Variants in LHFPL3 observed in about 807,000 individuals in gnomAD.
The protein encoded by LHFPL3 is LHFPL tetraspan subfamily member 3 protein.
In LHFPL3, 5 loss-of-function variants were observed where a neutral mutation model predicts 19.3. The observed-to-expected ratio is 0.26, with a 90% CI of 0.14 to 0.54. The LOEUF is 0.54. Among genes scored for constraint, LHFPL3 ranks in the 20% least tolerant of loss-of-function variants. The pLI is 0.94. For missense variants in LHFPL3, 249 were observed against 307.4 expected, an observed-to-expected ratio of 0.81 and a Z score of 1.42; for synonymous variants, 133 against 126.2, an observed-to-expected ratio of 1.05 and a Z score of -0.36.
chr7:104,434,190 T>C (rs1185196347), intron 1 of LHFPL3, among the ~76,000 whole-genome samples: 1 of 152,212 alleles, frequency 6.6e-6, no homozygotes, highest in Non-Finnish European at 1.5e-5. Flanking sequence ...CTCCCCTTGA[T>C]TGGATCCACC....
chr7:104,504,372 C>T (rs1164898417), intron 1 of LHFPL3, among the ~76,000 whole-genome samples: 1 of 152,168 alleles, frequency 6.6e-6, no homozygotes, highest in Non-Finnish European at 1.5e-5. Flanking sequence ...GATACATTTT[C>T]ATCTTACATT....
chr7:104,571,607 A>G (rs1010110833), intron 1 of LHFPL3, among the ~76,000 whole-genome samples: 1 of 152,200 alleles, frequency 6.6e-6, no homozygotes, highest in Admixed American at 6.5e-5. Flanking sequence ...GGGTCGGGTT[A>G]TATGAAAATT....
intron 1 of LHFPL3, among the ~76,000 whole-genome samples, chr7:104,490,895 G>A (rs1419228122): frequency 6.6e-6 from 1 of 151,886 alleles, no homozygotes; most frequent in Non-Finnish European, 1.5e-5. Context: ...CCTTTCTTAT[G>A]AGCTGCAGTT....
chr7:104,605,880 A>AT (rs926587419), intron 1 of LHFPL3, among the ~76,000 whole-genome samples: 1 of 151,486 alleles, frequency 6.6e-6, no homozygotes, highest in Non-Finnish European at 1.5e-5. Context: ...TGAAAAAAAA[A>AT]AACAACAAGA....
chr7:104,772,573 A>C (rs1794572182), intron 2 of LHFPL3, among the ~76,000 whole-genome samples: 1 of 152,238 alleles, frequency 6.6e-6, no homozygotes, highest in African/African-American at 2.4e-5. Flanking sequence ...AGTCCTCACC[A>C]GGAAAGGGCA....
At chr7:104,899,584 A>G (rs1216924556) in intron 2 of LHFPL3, among the ~76,000 whole-genome samples, 1 of 152,234 alleles carries the variant, frequency 6.6e-6, no homozygotes, top group African/African-American at 2.4e-5. Context: ...AGGAACATGT[A>G]TGAAGCTCAA....
chr7:104,411,539 A>C (rs1472925267), intron 1 of LHFPL3, among the ~76,000 whole-genome samples: 5 of 152,212 alleles, frequency 3.3e-5, no homozygotes, highest in Non-Finnish European at 7.3e-5. Flanking sequence ...TCTTCCTCCT[A>C]AAATCACCCA....
chr7:104,390,663 T>C (rs1402699229), intron 1 of LHFPL3, among the ~76,000 whole-genome samples: 1 of 152,240 alleles, frequency 6.6e-6, no homozygotes. Flanking sequence ...TGTGTCTTTA[T>C]AGCAGCATGA....
intron 1 of LHFPL3, among the ~76,000 whole-genome samples, chr7:104,590,859 A>T (rs1790701320): frequency 6.6e-6 from 1 of 152,100 alleles, no homozygotes; most frequent in South Asian, 2.1e-4. Flanking sequence ...TCCCTTTACC[A>T]TTATGTAATG....
intron 1 of LHFPL3, among the ~76,000 whole-genome samples, chr7:104,570,272 C>T (rs1209425886): frequency 6.6e-6 from 1 of 152,216 alleles, no homozygotes; most frequent in Non-Finnish European, 1.5e-5. Context: ...GTTAGCATTG[C>T]TTACACCCCT....
chr7:104,758,004 A>G (rs1794314694), intron 2 of LHFPL3, among the ~76,000 whole-genome samples: 1 of 152,234 alleles, frequency 6.6e-6, no homozygotes, highest in African/African-American at 2.4e-5. Flanking sequence ...CATATACACC[A>G]TGGAATACTA....
chr7:104,524,287 A>G (rs1315705832), intron 1 of LHFPL3, among the ~76,000 whole-genome samples: 1 of 152,290 alleles, frequency 6.6e-6, no homozygotes, highest in East Asian at 1.9e-4. Flanking sequence ...CATGGCCTCC[A>G]GAAAGAGTCA....
intron 2 of LHFPL3, among the ~76,000 whole-genome samples, chr7:104,795,975 T>C (rs1790116632): frequency 1.3e-5 from 1 of 79,064 alleles, no homozygotes; most frequent in Non-Finnish European, 2.9e-5. Context: ...GAAATATGGA[T>C]CTAAAAGCCC....
chr7:104,330,724 C>T (rs888599956), intron 1 of LHFPL3, among the ~76,000 whole-genome samples: 1 of 152,102 alleles, frequency 6.6e-6, no homozygotes, highest in African/African-American at 2.4e-5. Flanking sequence ...CTTCTGCACC[C>T]CCATCCCCAA....
intron 1 of LHFPL3, among the ~76,000 whole-genome samples, chr7:104,517,184 C>A (rs577155085): frequency 1.3e-5 from 2 of 152,002 alleles, no homozygotes; most frequent in Admixed American, 1.3e-4. Flanking sequence ...GCAAAAATAC[C>A]TAATGGATAC....
chr7:104,648,455 C>T (rs987517380), intron 1 of LHFPL3, among the ~76,000 whole-genome samples: 6 of 152,162 alleles, frequency 3.9e-5, no homozygotes, highest in Non-Finnish European at 8.8e-5. Flanking sequence ...AAATGTCTTT[C>T]CATTGGTGGC....
At chr7:104,564,368 T>G (rs1790078692) in intron 1 of LHFPL3, among the ~76,000 whole-genome samples, 1 of 152,150 alleles carries the variant, frequency 6.6e-6, no homozygotes, top group South Asian at 2.1e-4. Flanking sequence ...AATATGCCAC[T>G]AGGGTAGATA....
chr7:104,786,368 G>A (rs901804123), intron 2 of LHFPL3: 3 of 152,146 alleles, frequency 2.0e-5, no homozygotes, highest in Non-Finnish European at 4.4e-5. Context: ...TCTGTCAAAG[G>A]AGAATAAGAA....
At chr7:104,762,551 A>G (rs750735769) in intron 2 of LHFPL3, among the ~76,000 whole-genome samples, 2 of 152,202 alleles carry the variant, frequency 1.3e-5, no homozygotes, top group Non-Finnish European at 2.9e-5. Flanking sequence ...GACACAGTTG[A>G]AACCAAGGGC....
Sources: gnomAD v4.1 joint callset for allele counts (sites outside exome capture counted in the v4.1 genomes callset) on GRCh38, gnomAD v4.1.1 for gene constraint, MANE v1.5 for transcripts, NCBI Gene and HGNC (gene_info 2026-07-23, HGNC 2026-07-21) for gene names.